ASB18: variants seen among roughly 807,000 people sequenced by gnomAD.
ASB18 encodes the protein ankyrin repeat and SOCS box containing 18.
ASB18 carries 33 observed loss-of-function variants against 33.4 expected under a neutral mutation model. The ratio of observed to expected loss-of-function variants is 0.99; its 90% confidence interval spans 0.75 to 1.32. The LOEUF is 1.32. ASB18 is among the 40% of genes most tolerant of loss of function. ASB18 has a pLI of 0.00. For synonymous variants in ASB18, 295 were observed against 307.6 expected (o/e 0.96, Z 0.43); for missense variants, 694 against 655.5 (o/e 1.06, Z -0.64).
In ASB18 at chr2:236,235,881, A is replaced by T. The variant is rs2060586775; in HGVS notation, c.596+1808T>A. Among the ~76,000 whole-genome samples the T allele has an allele frequency of 6.6e-6, 1 of 152,012 alleles. No homozygotes were observed. Among genetic ancestry groups the T allele is most frequent in the African/African-American group, 2.4e-5 (1 of 41,390 alleles). ...GGTAATTTTTGTATTTTTTGTAGAG[A>T]TGGGGTTTTGCCGTGTTGCCCAGGC... is the stretch of plus-strand genomic sequence containing the variant. On this transcript the variant is annotated intron_variant, in intron 3 of 5. Coordinates refer to ENST00000409749, the MANE Select transcript of ASB18 (RefSeq NM_212556.4). The surrounding 1 kb of genome is among the most constrained non-coding windows in gnomAD (Gnocchi z 6.2).
In ASB18 at chr2:236,196,385, C is replaced by G. The variant is rs2060373815; in HGVS notation, c.1102G>C (p.Val368Leu). ...PTVWPDAFPK[V>L]LKTCASVPAV... ...GGGACAGATGCACAGGTCTTCAGCA[C>G]CTGGTGGGAAGAGGTGAAAGACGCA... Residue 368 changes from valine to leucine, a missense_variant and splice_region_variant, in exon 5 of 6, where the codon GTG (valine) becomes CTG (leucine). Physicochemically the swap from Val to Leu is conservative, Grantham distance 32. Coordinates refer to ENST00000409749, the MANE Select transcript of ASB18 (RefSeq NM_212556.4). The surrounding 1 kb of genome is among the most constrained non-coding windows in gnomAD (Gnocchi z 5.6). The G allele has an allele frequency of 1.9e-6, 3 of 1,548,886 alleles. No homozygotes were observed. The East Asian group carries it at 7.2e-5, about 37-fold the overall frequency.
chr2:236,204,145 G>A lies in ASB18; in HGVS notation c.1102-7760C>T, dbSNP rs1411578627. On this transcript the variant is annotated intron_variant, in intron 4 of 5. Transcript: ENST00000409749. This position sits in a 1 kb window ranked among gnomAD's most constrained non-coding sequence, Gnocchi z 5.1. Reference sequence around the variant, plus strand: ...GTTAGTGTTATCTCTTTGTCAGCTGGAGTACATCTACCTCAATGGGCCATT... The same window carrying A: ...GTTAGTGTTATCTCTTTGTCAGCTGAAGTACATCTACCTCAATGGGCCATT... Among the ~76,000 whole-genome samples the A allele has an allele frequency of 6.6e-6, 1 of 152,088 alleles. No individual in the cohort carries two copies. The highest frequency in any genetic ancestry group is 2.4e-5 in the African/African-American group (1 of 41,400).
Position 236,196,364 on chromosome 2 carries a change from C to T in ASB18, c.1123G>A (p.Val375Ile). The change falls in exon 5 of 6, where the codon GTC becomes ATC. Residue 375 changes from valine (V) to isoleucine (I), a missense_variant. Val to Ile is a conservative substitution (Grantham distance 29). Transcript: ENST00000409749. The surrounding 1 kb of genome is among the most constrained non-coding windows in gnomAD (Gnocchi z 5.6). ...FPKVLKTCAS[V>I]PAVIEVLFNS... ...AAAAGCACCTCGATGACTGCGGGGACAGATGCACAGGTCTTCAGCACCTGG... is the reference window on the plus strand; with the variant it reads ...AAAAGCACCTCGATGACTGCGGGGATAGATGCACAGGTCTTCAGCACCTGG... 6.4e-7 allele frequency: 1 copy of T among 1,564,620 alleles called. No homozygotes were observed. The highest frequency in any genetic ancestry group is 8.7e-7 in the Non-Finnish European group (1 of 1,153,922).
Position 236,244,022 on chromosome 2 carries a change from T to C in ASB18, c.206-2620A>G, listed in dbSNP as rs919835773. The stretch of plus-strand genomic sequence containing the variant: ...TTTAATTTTTAGTAGAGACAGGGTT[T>C]CACCTTGTTGGCTAGGCTGGTCTCA... On this transcript the variant is annotated intron_variant, in intron 1 of 5. Coordinates refer to ENST00000409749, the MANE Select transcript of ASB18 (RefSeq NM_212556.4). The surrounding 1 kb of genome is among the most constrained non-coding windows in gnomAD (Gnocchi z 6.1). 1.3e-5 allele frequency among the ~76,000 whole-genome samples: 2 copies of C among 152,218 alleles called. No homozygotes were observed. The highest frequency in any genetic ancestry group is 4.8e-5 in the African/African-American group (2 of 41,456).
chr2:236,206,584 T>C (rs1008802495), intron 4 of ASB18, among the ~76,000 whole-genome samples: 1 of 152,234 alleles, frequency 6.6e-6, no homozygotes, highest in Non-Finnish European at 1.5e-5. Flanking sequence ...CTGCACTTAC[T>C]GTTATATGAG....
chr2:236,243,339 A>AT (rs754490247), intron 1 of ASB18, among the ~76,000 whole-genome samples: 62 of 151,904 alleles, frequency 4.1e-4, no homozygotes, highest in Non-Finnish European at 8.1e-4. Context: ...CAAAAAAAAA[A>AT]AAAAAAAGAG....
At position 236,260,764 on chromosome 2, in the gene ASB18, G is replaced by A. The variant is rs898863835; in HGVS notation, c.205+3377C>T. Among the ~76,000 whole-genome samples the A allele has an allele frequency of 2.6e-5, 4 of 152,156 alleles. No individual in the cohort carries two copies. Among genetic ancestry groups the A allele is most frequent in the South Asian group, 4.1e-4 (2 of 4,824 alleles). ...AGGTTCTGGGTTGAGATGAGAAACC[G>A]TGCCAAATGCAATTGCAATCCTTAA... On this transcript the variant is annotated intron_variant, in intron 1 of 5. Transcript: ENST00000409749. This position sits in a 1 kb window ranked among gnomAD's most constrained non-coding sequence, Gnocchi z 5.1.
At chr2:236,258,136 C>T (rs981872982) in intron 1 of ASB18, among the ~76,000 whole-genome samples, 1 of 152,224 alleles carries the variant, frequency 6.6e-6, no homozygotes, top group African/African-American at 2.4e-5. Context: ...TCCTCGCTGC[C>T]TACTTGACCT....
At position 236,213,318 on chromosome 2, in the gene ASB18, A is replaced by G. The variant is rs576024597; in HGVS notation, c.1101+1044T>C. 3.9e-4 allele frequency among the ~76,000 whole-genome samples: 59 copies of G among 152,226 alleles called. No homozygotes were observed. Among genetic ancestry groups the G allele is most frequent in the African/African-American group, 1.2e-3 (49 of 41,534 alleles). ...CAGAGGCACAGTCTACTCTGAACGC[A>G]TCTATAATGGAAAGTTAGCATTTGA... On this transcript the variant is annotated intron_variant, in intron 4 of 5. Transcript: ENST00000409749. The surrounding 1 kb of genome is among the most constrained non-coding windows in gnomAD (Gnocchi z 4.8).
Position 236,220,173 on chromosome 2 carries a change from G to T in ASB18, c.597-5307C>A, listed in dbSNP as rs1409958657. 6.6e-6 allele frequency among the ~76,000 whole-genome samples: 1 copy of T among 152,170 alleles called. No homozygotes were observed. Among genetic ancestry groups the T allele is most frequent in the Non-Finnish European group, 1.5e-5 (1 of 68,026 alleles). On this transcript the variant is annotated intron_variant, in intron 3 of 5. Coordinates refer to ENST00000409749, the MANE Select transcript of ASB18 (RefSeq NM_212556.4). The surrounding 1 kb of genome is among the most constrained non-coding windows in gnomAD (Gnocchi z 5.1). ...TCATTCCAATTCATGTCTATGGGGT[G>T]GGGGGATGTGGGACTTTGGCCACTC... is the stretch of plus-strand genomic sequence containing the variant.
At chr2:236,246,346 CAAAAAAAAAAAAAAAAAAAA>C (rs60064230) in intron 1 of ASB18, among the ~76,000 whole-genome samples, 1 of 32,718 alleles carries the variant, frequency 3.1e-5, no homozygotes, top group African/African-American at 9.0e-5. Flanking sequence ...GACTCCATCT[CAAAAAAAAAAAAAAAAAAAA>C]AAAAAAAAAA....
Position 236,214,185 on chromosome 2 carries a change from T to G in ASB18, c.1101+177A>C. The stretch of plus-strand genomic sequence containing the variant: ...AGTCTAGGCCACACCCGGGAGCTTG[T>G]TGGCAATGCAGGCTCTCCCACCCCA... On this transcript the variant is annotated intron_variant, in intron 4 of 5. Coordinates refer to ENST00000409749, the MANE Select transcript of ASB18 (RefSeq NM_212556.4). This position sits in a 1 kb window ranked among gnomAD's most constrained non-coding sequence, Gnocchi z 6.5. 1.5e-6 allele frequency: 1 copy of G among 656,744 alleles called. No individual in the cohort carries two copies. The highest frequency in any genetic ancestry group is 2.0e-5 in the South Asian group (1 of 50,882). 40.7% of individuals were successfully genotyped at this position (656,744 alleles called of 1,614,324 possible).
chr2:236,236,530 A>G (rs1227612321), intron 3 of ASB18, among the ~76,000 whole-genome samples: 1 of 152,146 alleles, frequency 6.6e-6, no homozygotes, highest in East Asian at 1.9e-4. Context: ...CTGAATGTCA[A>G]TCACACCTCG....
At chr2:236,201,511 T>C (rs1466484053) in intron 4 of ASB18, among the ~76,000 whole-genome samples, 1 of 151,212 alleles carries the variant, frequency 6.6e-6, no homozygotes, top group Non-Finnish European at 1.5e-5. Context: ...TATTTGAGAG[T>C]GTGCTATAAC....
Position 236,216,088 on chromosome 2 carries a change from G to A in ASB18, c.597-1222C>T, listed in dbSNP as rs1009082666. Among the ~76,000 whole-genome samples the A allele has an allele frequency of 6.6e-6, 1 of 152,116 alleles. No homozygotes were observed. Among genetic ancestry groups the A allele is most frequent in the Admixed American group, 6.5e-5 (1 of 15,268 alleles). ...ATGGCCATCCCCTACTCAAATGGCC[G>A]AATCTTCAAGCCGGAGTCCATTCTT... On this transcript the variant is annotated intron_variant, in intron 3 of 5. Transcript: ENST00000409749. The surrounding 1 kb of genome is among the most constrained non-coding windows in gnomAD (Gnocchi z 6.1).
chr2:236,236,471 T>G (rs2106277852), intron 3 of ASB18, among the ~76,000 whole-genome samples: 1 of 152,262 alleles, frequency 6.6e-6, no homozygotes. Context: ...CACGAGTGTA[T>G]AAGTCTGCGG....
chr2:236,256,119 C>T lies in ASB18; in HGVS notation c.205+8022G>A, dbSNP rs965912058. ...GATCACGGTTCACTGCAGCACCTTC[C>T]AGCTTAAGTGGTCCTCCTGCCTCAG... On this transcript the variant is annotated intron_variant, in intron 1 of 5. Transcript: ENST00000409749. This position sits in a 1 kb window ranked among gnomAD's most constrained non-coding sequence, Gnocchi z 4.7. 1.3e-5 allele frequency among the ~76,000 whole-genome samples: 2 copies of T among 152,088 alleles called. No homozygotes were observed. The highest frequency in any genetic ancestry group is 2.9e-5 in the Non-Finnish European group (2 of 68,026).
Position 236,194,909 on chromosome 2 carries a change from T to C in ASB18, c.1364A>G (p.Asn455Ser). Residue 455 changes from asparagine (N) to serine (S), a missense_variant, in exon 6 of 6, where the codon AAT (asparagine) becomes AGT (serine). Physicochemically the swap from Asn to Ser is conservative, Grantham distance 46. Coordinates refer to ENST00000409749, the MANE Select transcript of ASB18 (RefSeq NM_212556.4). The surrounding 1 kb of genome is among the most constrained non-coding windows in gnomAD (Gnocchi z 4.5). ...ACCCTGTGGCTCCAAAAGTAGGTAA[T>C]TCTGCAGGGGCTTTGGCAAGGGTAA... ...PLLPLPKPLQ[N>S]YLLLEPQGVL... The C allele has an allele frequency of 5.0e-6, 8 of 1,613,810 alleles. No individual in the cohort carries two copies. Among genetic ancestry groups the C allele is most frequent in the Non-Finnish European group, 6.8e-6 (8 of 1,179,822 alleles).
chr2:236,206,138 T>C (rs1170276171), intron 4 of ASB18, among the ~76,000 whole-genome samples: 3 of 152,106 alleles, frequency 2.0e-5, no homozygotes, highest in Non-Finnish European at 4.4e-5. Flanking sequence ...CACTTATCTG[T>C]GGGTTGGCTC....
Sources: allele counts gnomAD v4.1 joint callset (sites outside exome capture counted in the v4.1 genomes callset), GRCh38; gene constraint gnomAD v4.1.1; non-coding constraint Gnocchi (gnomAD v3.1); transcripts MANE v1.5; gene names NCBI Gene and HGNC (gene_info 2026-07-23, HGNC 2026-07-21).